The following PKIB variants were observed in gnomAD, a reference collection of about 807,000 sequenced individuals.
PKIB encodes cAMP-dependent protein kinase inhibitor beta.
PKIB carries 2 observed loss-of-function variants against 4.5 expected under a neutral mutation model. That is an observed-to-expected ratio of 0.44 (90% CI 0.18 to 1.39). The LOEUF is 1.39. Among genes scored for constraint, PKIB ranks in the 40% most tolerant of loss-of-function variants. PKIB has a pLI of 0.27. For missense variants in PKIB, 94 were observed against 92.6 expected, an observed-to-expected ratio of 1.02 and a Z score of -0.06; for synonymous variants, 38 against 36.0, an observed-to-expected ratio of 1.06 and a Z score of -0.20.
Position 122,650,498 on chromosome 6 carries a change from A to G in PKIB, c.-76+17131A>G, listed in dbSNP as rs187399202. 9.9e-4 allele frequency among the ~76,000 whole-genome samples: 151 copies of G among 152,362 alleles called. 2 individuals are homozygous for G. In the South Asian group the frequency reaches 0.02, roughly 20 times the overall value. ...TTCTTTTCTAGAAACACCATGATCA[A>G]CTAGCCAATTCCAAAGGTCTCCACA... On this transcript the variant is annotated intron_variant, in intron 2 of 4. Transcript: ENST00000368452.
At chr6:122,587,554 G>A (rs1773888721) in intron 3 of PKIB, among the ~76,000 whole-genome samples, 1 of 152,162 alleles carries the variant, frequency 6.6e-6, no homozygotes, top group Admixed American at 6.5e-5. Context: ...TAATGGGATG[G>A]CTGGGTCGAA....
intron 2 of PKIB, among the ~76,000 whole-genome samples, chr6:122,557,707 C>T (rs952154935): frequency 2.0e-5 from 3 of 152,250 alleles, no homozygotes; most frequent in Non-Finnish European, 2.9e-5. Context: ...TCCCATAGAC[C>T]TCTCATTAGC....
intron 2 of PKIB, among the ~76,000 whole-genome samples, chr6:122,633,829 A>G (rs976588550): frequency 6.6e-6 from 1 of 152,222 alleles, no homozygotes; most frequent in African/African-American, 2.4e-5. Context: ...AGTACCTACA[A>G]TTAAATATTC....
chr6:122,650,724 G>T (rs745737353), intron 2 of PKIB, among the ~76,000 whole-genome samples: 6 of 152,094 alleles, frequency 3.9e-5, no homozygotes, highest in Non-Finnish European at 7.3e-5. Context: ...GGGTGCTGGG[G>T]CCCCCCTCAC....
At chr6:122,609,401 G>C (rs1190369059), upstream of PKIB, among the ~76,000 whole-genome samples, 1 of 152,192 alleles carries the variant, frequency 6.6e-6, no homozygotes, top group African/African-American at 2.4e-5. Context: ...TATGAATATT[G>C]AATAATTTAA....
rs1187170736 is a variant in PKIB at position 122,712,954 on chromosome 6, T to C, written c.-8-4833T>C. 2.0e-5 allele frequency among the ~76,000 whole-genome samples: 3 copies of C among 152,170 alleles called. No individual in the cohort carries two copies. In the East Asian group the frequency reaches 5.8e-4, roughly 29 times the overall value. On this transcript the variant is annotated intron_variant, in intron 3 of 4. Coordinates refer to ENST00000368452, the MANE Select transcript of PKIB (RefSeq NM_181795.3). ...TCTTAGCAGGCTCTTCGGGGCCCAC[T>C]GGGTTCTGACTGGTGATTTTTTAAT...
At chr6:122,616,859 A>T (rs1775012706) in intron 1 of PKIB, among the ~76,000 whole-genome samples, 1 of 152,154 alleles carries the variant, frequency 6.6e-6, no homozygotes. Flanking sequence ...AATTTCGTTT[A>T]TTCTCCAATC....
intron 3 of PKIB, among the ~76,000 whole-genome samples, chr6:122,706,478 T>C (rs1779060081): frequency 6.6e-6 from 1 of 152,174 alleles, no homozygotes; most frequent in Admixed American, 6.6e-5. Context: ...ATATAGTAGA[T>C]GCTTAACAAT....
At chr6:122,668,379 A>T (rs1321261524) in intron 2 of PKIB, among the ~76,000 whole-genome samples, 1 of 152,200 alleles carries the variant, frequency 6.6e-6, no homozygotes, top group East Asian at 1.9e-4. Flanking sequence ...ATTTCTCTTC[A>T]AAGGAAGAGA....
rs773236978 is a variant in PKIB at position 122,652,330 on chromosome 6, GTGT to G, written c.-76+18964_-76+18966del. ...TGTGTGTGTGTGTGTGTGTGTGTGT[GTGT>G]GGAGAGAGAGAGATTTATTGAAAAG... is the stretch of plus-strand genomic sequence containing the variant. On this transcript the variant is annotated intron_variant, in intron 2 of 4. Coordinates refer to ENST00000368452, the MANE Select transcript of PKIB (RefSeq NM_181795.3). Among the ~76,000 whole-genome samples, 2 of 56,656 alleles carry G rather than the reference GTGT, an allele frequency of 3.5e-5. 1 individual carries two copies. The highest frequency in any genetic ancestry group is 2.7e-4 in the Admixed American group (2 of 7,514). The allele number at this position is 56,656 out of a possible 152,430, so 37.2% of individuals were successfully genotyped here.
intron 2 of PKIB, among the ~76,000 whole-genome samples, chr6:122,534,077 AAAT>A (rs1777335638): frequency 6.6e-6 from 1 of 150,982 alleles, no homozygotes; most frequent in Admixed American, 6.6e-5. Context: ...TCTATTTTTT[AAAT>A]AATGACAGCA....
chr6:122,714,927 G>A (rs1265489661), intron 3 of PKIB, among the ~76,000 whole-genome samples: 3 of 151,912 alleles, frequency 2.0e-5, no homozygotes, highest in African/African-American at 7.3e-5. Context: ...TGGGATCACA[G>A]GTGTGAGCCA....
chr6:122,497,824 A>G (rs1776118626), intron 2 of PKIB, among the ~76,000 whole-genome samples: 2 of 152,152 alleles, frequency 1.3e-5, no homozygotes, highest in Non-Finnish European at 2.9e-5. Flanking sequence ...AACTAATAAG[A>G]AAGTCTGGGC....
intron 2 of PKIB, among the ~76,000 whole-genome samples, chr6:122,511,277 T>C (rs773553374): frequency 1.3e-5 from 2 of 152,182 alleles, no homozygotes; most frequent in Non-Finnish European, 2.9e-5. Flanking sequence ...AAGCACAAAA[T>C]TGTTCCACAG....
intron 2 of PKIB, among the ~76,000 whole-genome samples, chr6:122,577,236 T>C (rs1475259861): frequency 1.3e-5 from 2 of 152,144 alleles, no homozygotes; most frequent in African/African-American, 4.8e-5. Context: ...TTCTAGAGAA[T>C]AAAATGAGAT....
chr6:122,697,747 G>C (rs542159198), intron 3 of PKIB, among the ~76,000 whole-genome samples: 24 of 152,212 alleles, frequency 1.6e-4, no homozygotes, highest in Middle Eastern at 3.4e-3. Flanking sequence ...CTATGGGAAG[G>C]CTGCATTTCA....
At chr6:122,630,207 G>A (rs543703709) in intron 1 of PKIB, among the ~76,000 whole-genome samples, 2 of 152,270 alleles carry the variant, frequency 1.3e-5, no homozygotes, top group African/African-American at 2.4e-5. Context: ...AAAGCAGGGT[G>A]TTGAGGGGAT....
intron 3 of PKIB, among the ~76,000 whole-genome samples, chr6:122,711,667 C>CT (rs1188635451): frequency 6.6e-6 from 1 of 152,084 alleles, no homozygotes. Flanking sequence ...TGCAGTCCAT[C>CT]TTTTTTATCA....
intron 2 of PKIB, among the ~76,000 whole-genome samples, chr6:122,490,306 G>A (rs1162529032): frequency 1.3e-5 from 2 of 152,188 alleles, no homozygotes; most frequent in Non-Finnish European, 2.9e-5. Context: ...GAGGCTCTGA[G>A]ATGAAGTTTA....
Sources: allele counts gnomAD v4.1 joint callset (sites outside exome capture counted in the v4.1 genomes callset), GRCh38; gene constraint gnomAD v4.1.1; transcripts MANE v1.5; gene names NCBI Gene and HGNC (gene_info 2026-07-23, HGNC 2026-07-21).